CEP128: variants seen among roughly 807,000 people sequenced by gnomAD.
CEP128 encodes centrosomal protein 128.
In CEP128, 132 loss-of-function variants were observed where a neutral mutation model predicts 156.7. The observed-to-expected ratio is 0.84, with a 90% CI of 0.73 to 0.97. CEP128 has a LOEUF of 0.97. Among genes scored for constraint, CEP128 ranks in the 50% least tolerant of loss-of-function variants. CEP128 has a pLI of 0.00. For synonymous variants in CEP128, 469 were observed against 448.9 expected (o/e 1.04, Z -0.57); for missense variants, 1,252 against 1,281.9 (o/e 0.98, Z 0.36).
chr14:80,746,460 C>A (rs1899105654), intron 18 of CEP128, among the ~76,000 whole-genome samples: 2 of 152,112 alleles, frequency 1.3e-5, no homozygotes, highest in South Asian at 4.2e-4. Flanking sequence ...TGATTTTCAA[C>A]AAAAGATCCA....
intron 18 of CEP128, 21 bp downstream of exon 18, chr14:80,756,871 T>C (rs1487748683): frequency 3.4e-6 from 5 of 1,480,084 alleles, no homozygotes; most frequent in South Asian, 2.3e-5. Flanking sequence ...ACAATAACTT[T>C]AGGATTTAAA....
At chr14:80,830,437 C>T (rs12888082) in intron 13 of CEP128, 137,938 of 391,454 alleles carry the variant, frequency 0.35, 26,117 homozygotes, top group Non-Finnish European at 0.4. Flanking sequence ...AAAACAGATA[C>T]AGGGAGGATT....
At chr14:80,933,614 G>A (rs892430135) in intron 2 of CEP128, among the ~76,000 whole-genome samples, 2 of 152,144 alleles carry the variant, frequency 1.3e-5, no homozygotes, top group Non-Finnish European at 2.9e-5. Flanking sequence ...ATCAACCTCT[G>A]CTGTATGTTA....
At chr14:80,496,018 T>C (rs758958185), downstream of CEP128, among the ~76,000 whole-genome samples, 1 of 152,146 alleles carries the variant, frequency 6.6e-6, no homozygotes, top group Non-Finnish European at 1.5e-5. Flanking sequence ...CATTAATACA[T>C]TACATTGCTC....
At chr14:80,812,709 C>T (rs1196311218) in intron 13 of CEP128, among the ~76,000 whole-genome samples, 1 of 152,126 alleles carries the variant, frequency 6.6e-6, no homozygotes, top group African/African-American at 2.4e-5. Context: ...GGATTACAGG[C>T]ACGTGCCACC....
chr14:80,540,152 T>G (rs139275192), intron 21 of CEP128, among the ~76,000 whole-genome samples: 8,697 of 151,522 alleles, frequency 0.057, 815 homozygotes, highest in African/African-American at 0.2. Context: ...TTCTGCTTTT[T>G]GCCCTTTGAA....
intron 10 of CEP128, among the ~76,000 whole-genome samples, chr14:80,838,828 T>G (rs1176748921): frequency 6.6e-6 from 1 of 152,154 alleles, no homozygotes; most frequent in Non-Finnish European, 1.5e-5. Flanking sequence ...AATGAGACAT[T>G]TAAAATTTCC....
At chr14:80,621,824 A>T (rs1044174190) in intron 19 of CEP128, among the ~76,000 whole-genome samples, 2 of 152,164 alleles carry the variant, frequency 1.3e-5, no homozygotes, top group African/African-American at 4.8e-5. Context: ...ATCAGATGAA[A>T]ATCATGCTTG....
At chr14:80,514,920 C>T (rs1330038463) in intron 23 of CEP128, among the ~76,000 whole-genome samples, 1 of 152,136 alleles carries the variant, frequency 6.6e-6, no homozygotes, top group Non-Finnish European at 1.5e-5. Context: ...GTCTTTGGTC[C>T]CTGCAGCCAT....
chr14:80,842,582 A>C (rs1886396130), intron 9 of CEP128, among the ~76,000 whole-genome samples: 1 of 151,986 alleles, frequency 6.6e-6, no homozygotes, highest in Non-Finnish European at 1.5e-5. Flanking sequence ...CCAAATCAAA[A>C]TCACAAGCCA....
intron 17 of CEP128, among the ~76,000 whole-genome samples, chr14:80,757,759 G>A (rs1049854866): frequency 2.0e-5 from 3 of 152,158 alleles, no homozygotes; most frequent in Non-Finnish European, 2.9e-5. Context: ...CATACCTCCT[G>A]AGCTGTGTGC....
At chr14:80,712,557 G>A (rs935750299) in intron 19 of CEP128, among the ~76,000 whole-genome samples, 18 of 152,080 alleles carry the variant, frequency 1.2e-4, no homozygotes, top group Non-Finnish European at 2.5e-4. Flanking sequence ...GCTAGGTTGG[G>A]GTATTCTGGG....
At chr14:80,810,923 T>C (rs1884496358) in intron 13 of CEP128, among the ~76,000 whole-genome samples, 1 of 152,186 alleles carries the variant, frequency 6.6e-6, no homozygotes, top group African/African-American at 2.4e-5. Flanking sequence ...TAGCTATTTT[T>C]CCTGATGCTC....
chr14:80,777,556 T>C (rs910739486), intron 16 of CEP128, among the ~76,000 whole-genome samples: 3 of 152,218 alleles, frequency 2.0e-5, no homozygotes, highest in South Asian at 2.1e-4. Flanking sequence ...TGGATAGACA[T>C]AGGTCAATCA....
intron 8 of CEP128, among the ~76,000 whole-genome samples, chr14:80,886,169 G>T (rs1888788780): frequency 6.6e-6 from 1 of 152,150 alleles, no homozygotes. Flanking sequence ...GTACCTGAAA[G>T]TGATGGGGAG....
chr14:80,720,943 G>A (rs1222558475), intron 19 of CEP128, among the ~76,000 whole-genome samples: 2 of 152,138 alleles, frequency 1.3e-5, no homozygotes, highest in Admixed American at 1.3e-4. Context: ...ACCTAAGTAT[G>A]AAGGTAAATA....
chr14:80,801,682 G>A (rs914057968), intron 13 of CEP128, among the ~76,000 whole-genome samples: 1 of 151,832 alleles, frequency 6.6e-6, no homozygotes, highest in African/African-American at 2.4e-5. Context: ...GTCGAGGCAG[G>A]CAGATCACAA....
In CEP128 at chr14:80,526,851, G is replaced by C. The variant is rs1336989291; in HGVS notation, c.3072+18C>G. 13 of 1,404,658 alleles carry C rather than the reference G, an allele frequency of 9.3e-6. No homozygotes were observed. The highest frequency in any genetic ancestry group is 1.3e-5 in the Non-Finnish European group (13 of 994,072). The allele number at this position is 1,404,658 out of a possible 1,614,324, so 87.0% of individuals were successfully genotyped here. ...TGGATACTACTTAAAGACTAAAAAA[G>C]TATATAAAGAAAATTACTTTGAAAC... On this transcript the variant is annotated intron_variant, in intron 23 of 24. Transcript: ENST00000555265.
intron 24 of CEP128, among the ~76,000 whole-genome samples, chr14:80,497,898 C>T (rs1421756951): frequency 6.6e-6 from 1 of 152,216 alleles, no homozygotes; most frequent in African/African-American, 2.4e-5. Context: ...TGCACACTCG[C>T]AAAGAATTTT....
Sources: allele counts gnomAD v4.1 joint callset (sites outside exome capture counted in the v4.1 genomes callset), GRCh38; gene constraint gnomAD v4.1.1; transcripts MANE v1.5; gene names NCBI Gene and HGNC (gene_info 2026-07-23, HGNC 2026-07-21).